Variants in CCDC142 observed in about 807,000 individuals in gnomAD.
The protein encoded by CCDC142 is coiled-coil domain containing 142.
Under a neutral mutation model 83.8 loss-of-function variants are expected in CCDC142, and 67 were observed. The observed-to-expected ratio is 0.80, with a 90% CI of 0.66 to 0.98. The LOEUF is 0.98. Among genes scored for constraint, CCDC142 ranks in the 50% least tolerant of loss-of-function variants. The pLI, the probability that CCDC142 is intolerant of heterozygous loss-of-function variation, is 0.00. For synonymous variants in CCDC142, 421 were observed against 421.2 expected (o/e 1.00, Z 0.01); for missense variants, 905 against 946.8 (o/e 0.96, Z 0.58).
In CCDC142 at chr2:74,474,308, C is replaced by A; in HGVS notation, c.*238G>T. 2.3e-6 allele frequency: 1 copy of A among 441,486 alleles called. No individual in the cohort carries two copies. The highest frequency in any genetic ancestry group is 2.9e-5 in the South Asian group (1 of 34,778). 27.3% of individuals were successfully genotyped at this position (441,486 alleles called of 1,614,324 possible). On this transcript the variant is annotated 3_prime_UTR_variant, in exon 9 of 9. Coordinates refer to ENST00000393965, the MANE Select transcript of CCDC142 (RefSeq NM_001365575.2). ...CCGTGTTAGCCAGGATGGTCTTGATCTCCTGACCTCATGATCCGCCTGCCT... is the reference window on the plus strand; with the variant it reads ...CCGTGTTAGCCAGGATGGTCTTGATATCCTGACCTCATGATCCGCCTGCCT...
intron 1 of CCDC142, 51 bp downstream of exon 1, chr2:74,481,766 G>T (rs1390065713): frequency 6.4e-7 from 1 of 1,564,940 alleles, no homozygotes. Flanking sequence ...TGGCCAAGGG[G>T]AAGGAAGAGA....
At position 74,481,387 on chromosome 2, in the gene CCDC142, GTA is replaced by G. The variant is rs758027896; in HGVS notation, c.1109-17_1109-16del. On this transcript the variant is annotated splice_polypyrimidine_tract_variant and intron_variant, in intron 2 of 8. Coordinates refer to ENST00000393965, the MANE Select transcript of CCDC142 (RefSeq NM_001365575.2). ...CTGGCAGAAACCTGAGGATGAGAGA[GTA>G]TAGTGTGGTGGGGAAGCGGTAACCT... 29 of 1,614,014 alleles carry G rather than the reference GTA, an allele frequency of 1.8e-5. No homozygotes were observed. The South Asian group carries it at 3.1e-4, about 17-fold the overall frequency.
At position 74,482,138 on chromosome 2, in the gene CCDC142, G is replaced by A. The variant is rs890602278; in HGVS notation, c.700C>T (p.Arg234Cys). 10 of 1,613,602 alleles carry A rather than the reference G, an allele frequency of 6.2e-6. No homozygotes were observed. Among genetic ancestry groups the A allele is most frequent in the African/African-American group, 1.3e-5 (1 of 74,946 alleles). The change falls in exon 1 of 9, where the codon CGT (arginine) becomes TGT (cysteine). Residue 234 changes from arginine to cysteine, a missense_variant. Transcript: ENST00000393965. The surrounding 1 kb of genome is among the most constrained non-coding windows in gnomAD (Gnocchi z 5.0). ...PGAARPFPTSRVLRLLTGERG... is the reference protein window; with the variant it reads ...PGAARPFPTSCVLRLLTGERG... ...TCCCCCGTCAAGAGGCGGAGCACAC[G>A]GGACGTGGGGAAAGGACGTGCGGCC...
At chr2:74,481,120 G>T in intron 3 of CCDC142, 34 bp from the exon 4 acceptor site, 2 of 1,608,468 alleles carry the variant, frequency 1.2e-6, no homozygotes. Flanking sequence ...AGTATCTTAG[G>T]GGTCATGGAG....
In CCDC142 at chr2:74,482,046, G is replaced by A; in HGVS notation, c.792C>T (p.Leu264=). 1.2e-6 allele frequency: 2 copies of A among 1,613,628 alleles called. No individual in the cohort carries two copies. Among genetic ancestry groups the A allele is most frequent in the Non-Finnish European group, 1.7e-6 (2 of 1,179,966 alleles). The change falls in exon 1 of 9, where the codon CTC becomes CTT. Residue 264 remains leucine, a synonymous_variant. Coordinates refer to ENST00000393965, the MANE Select transcript of CCDC142 (RefSeq NM_001365575.2). The surrounding 1 kb of genome is among the most constrained non-coding windows in gnomAD (Gnocchi z 5.0). ...ALQGSALRDQ[L]RRRCQEEGDL... ...CCCCCTCCTCTTGGCACCGCCTGCG[G>A]AGCTGGTCCCTCAACGCCGATCCTT...
chr2:74,482,719 C>G lies in CCDC142; in HGVS notation c.119G>C (p.Arg40Pro). Residue 40 changes from arginine (R) to proline (P), a missense_variant, in exon 1 of 9, where the codon CGC (arginine) becomes CCC (proline). By Grantham distance (103) the Arg-to-Pro change is moderately radical. Around this residue, in one of 3 missense-constraint regions of CCDC142, gnomAD observed 591 missense variants for 571.4 expected, o/e 1.03. Coordinates refer to ENST00000393965, the MANE Select transcript of CCDC142 (RefSeq NM_001365575.2). This position sits in a 1 kb window ranked among gnomAD's most constrained non-coding sequence, Gnocchi z 5.0. ...QWERSRTGGLRWEVHCWPSGT... is the reference protein window; with the variant it reads ...QWERSRTGGLPWEVHCWPSGT... ...GCTCGGCCAGCAGTGAACCTCCCAG[C>G]GAAGACCGCCCGTTCGACTTCTCTC... 1 of 1,606,108 alleles carries G rather than the reference C, an allele frequency of 6.2e-7. No individual in the cohort carries two copies.
In CCDC142 at chr2:74,481,077, G is replaced by A; in HGVS notation, c.1268C>T (p.Pro423Leu). ...AAGGGTACAGAGACCTAGGGCGACA[G>A]GCGCAGGATCTGGGGATTTGAGCAG... is the stretch of plus-strand genomic sequence containing the variant. ...RIFCQPADPAPVALGLCTLQT... is the reference protein window; with the variant it reads ...RIFCQPADPALVALGLCTLQT... The change falls in exon 4 of 9, where the codon CCT becomes CTT. Residue 423 changes from proline (P) to leucine (L), a missense_variant. Pro to Leu is a moderately conservative substitution (Grantham distance 98). Coordinates refer to ENST00000393965, the MANE Select transcript of CCDC142 (RefSeq NM_001365575.2). 1 of 1,612,890 alleles carries A rather than the reference G, an allele frequency of 6.2e-7. No individual in the cohort carries two copies.
At chr2:74,479,025 C>CA (rs56291332) in intron 5 of CCDC142, among the ~76,000 whole-genome samples, 1,090 of 61,966 alleles carry the variant, frequency 0.018, 5 homozygotes, top group Middle Eastern at 0.054. Flanking sequence ...GACACCTTCT[C>CA]AAAAAAAAAA....
At position 74,475,635 on chromosome 2, in the gene CCDC142, T is replaced by A. The variant is rs371717998; in HGVS notation, c.1595A>T (p.Tyr532Phe). 115 of 1,613,964 alleles carry A rather than the reference T, an allele frequency of 7.1e-5. No individual in the cohort carries two copies. Among genetic ancestry groups the A allele is most frequent in the Non-Finnish European group, 9.4e-5 (111 of 1,179,954 alleles). The change falls in exon 6 of 9, where the codon TAC becomes TTC. Residue 532 changes from tyrosine (Y) to phenylalanine (F), a missense_variant. Physicochemically the swap from Tyr to Phe is conservative, Grantham distance 22. Around this residue, in one of 3 missense-constraint regions of CCDC142, gnomAD observed 265 missense variants for 288.9 expected, o/e 0.92. Transcript: ENST00000393965. ...GFKLYMPRGR[Y>F]WRLRLCPEPP... ...ACCAGGACAGAGACGAAGCCGCCAGTACCGACCCCGTGGCATGTAGAGCTT... is the reference window on the plus strand; with the variant it reads ...ACCAGGACAGAGACGAAGCCGCCAGAACCGACCCCGTGGCATGTAGAGCTT...
At chr2:74,478,798 G>A (rs1672382721) in intron 5 of CCDC142, among the ~76,000 whole-genome samples, 1 of 151,468 alleles carries the variant, frequency 6.6e-6, no homozygotes, top group South Asian at 2.1e-4. Flanking sequence ...AGGCTGAGGT[G>A]GGTGGATCAC....
At chr2:74,475,815 T>C in intron 5 of CCDC142, 89 bp from the exon 6 acceptor site, 1 of 790,014 alleles carries the variant, frequency 1.3e-6, no homozygotes, top group Non-Finnish European at 2.1e-6. Context: ...TTGACATCCA[T>C]AAAACCCCAG....
At chr2:74,477,642 C>T (rs1277087250) in intron 5 of CCDC142, among the ~76,000 whole-genome samples, 1 of 152,186 alleles carries the variant, frequency 6.6e-6, no homozygotes, top group African/African-American at 2.4e-5. Flanking sequence ...TCCCAGCCAC[C>T]ATCTCCAGCC....
In CCDC142 at chr2:74,472,991, T is replaced by A; in HGVS notation, c.*1555A>T. 2.5e-6 allele frequency: 1 copy of A among 393,648 alleles called. No individual in the cohort carries two copies. The highest frequency in any genetic ancestry group is 4.8e-6 in the Non-Finnish European group (1 of 210,340). The allele number at this position is 393,648 out of a possible 1,614,324, so 24.4% of individuals were successfully genotyped here. On this transcript the variant is annotated 3_prime_UTR_variant, in exon 9 of 9. Transcript: ENST00000393965. ...GTTTTCTGCAGCCTTTCCCCTTCTG[T>A]ACCCTGCTGGGCCACATCTAGGCTA...
At chr2:74,479,140 G>C (rs1413029856) in intron 5 of CCDC142, among the ~76,000 whole-genome samples, 1 of 151,952 alleles carries the variant, frequency 6.6e-6, no homozygotes. Context: ...GTTGCAGTGA[G>C]CCAAGATCAC....
Position 74,482,578 on chromosome 2 carries a change from G to A in CCDC142, c.260C>T (p.Ala87Val), listed in dbSNP as rs1453321438. 3.1e-6 allele frequency: 5 copies of A among 1,604,532 alleles called. No individual in the cohort carries two copies. The highest frequency in any genetic ancestry group is 3.4e-6 in the Non-Finnish European group (4 of 1,175,440). The change falls in exon 1 of 9, where the codon GCG becomes GTG. Residue 87 changes from alanine to valine, a missense_variant. Around this residue, in one of 3 missense-constraint regions of CCDC142, gnomAD observed 591 missense variants for 571.4 expected, o/e 1.03. Transcript: ENST00000393965. The surrounding 1 kb of genome is among the most constrained non-coding windows in gnomAD (Gnocchi z 5.0). ...CAACACCGCCCGGAGACGCTGCAGC[G>A]CGGGAGGGATCGGGCCGCCACCTGC... is the stretch of plus-strand genomic sequence containing the variant. ...GPAGGGPIPP[A>V]LQRLRAVLLR...
rs889013413 is a variant in CCDC142, at chr2:74,482,527, T to C, written c.311A>G (p.Gln104Arg). 12 of 1,581,974 alleles carry C rather than the reference T, an allele frequency of 7.6e-6. No homozygotes were observed. Among genetic ancestry groups the C allele is most frequent in the Non-Finnish European group, 9.5e-6 (11 of 1,164,014 alleles). ...VLLRLHRERE[Q>R]LLQARDCAYH... ...GGCGCAGTCTCGGGCCTGGAGGAGC[T>C]GCTCCCGCTCGCGATGCAGCCGCAG... The change falls in exon 1 of 9, where the codon CAG (glutamine) becomes CGG (arginine). Residue 104 changes from glutamine to arginine, a missense_variant. Gln to Arg is a conservative substitution (Grantham distance 43, BLOSUM62 1). This residue lies in a region of CCDC142 where 591 missense variants were observed against 571.4 expected (regional missense o/e 1.03). Transcript: ENST00000393965. The surrounding 1 kb of genome is among the most constrained non-coding windows in gnomAD (Gnocchi z 5.0).
Position 74,474,392 on chromosome 2 carries a change from G to A in CCDC142, c.*154C>T. 1 of 1,050,264 alleles carries A rather than the reference G, an allele frequency of 9.5e-7. No homozygotes were observed. 65.1% of individuals were successfully genotyped at this position (1,050,264 alleles called of 1,614,324 possible). ...CCACCTCGCCCAGCCCCTAATCTTG[G>A]ATTCTTAAGCCCAGGCTCTTTGTAG... On this transcript the variant is annotated 3_prime_UTR_variant, in exon 9 of 9. Coordinates refer to ENST00000393965, the MANE Select transcript of CCDC142 (RefSeq NM_001365575.2).
chr2:74,476,234 G>A (rs1295903518), intron 5 of CCDC142, among the ~76,000 whole-genome samples: 2 of 152,114 alleles, frequency 1.3e-5, no homozygotes, highest in African/African-American at 4.8e-5. Context: ...GTGCAGTGGC[G>A]TGATCTCGGC....
In CCDC142 at chr2:74,475,650, A is replaced by G; in HGVS notation, c.1580T>C (p.Met527Thr). The part of the protein sequence containing the change: ...KQAMQGFKLY[M>T]PRGRYWRLRL... ...AAGCCGCCAGTACCGACCCCGTGGC[A>G]TGTAGAGCTTGAAACCTTGCATGGC... Residue 527 changes from methionine (M) to threonine (T), a missense_variant, in exon 6 of 9, where the codon ATG becomes ACG. Coordinates refer to ENST00000393965, the MANE Select transcript of CCDC142 (RefSeq NM_001365575.2). The G allele has an allele frequency of 6.2e-7, 1 of 1,614,132 alleles. No individual in the cohort carries two copies. Among genetic ancestry groups the G allele is most frequent in the East Asian group, 2.2e-5 (1 of 44,880 alleles).
Sources: gnomAD v4.1 joint callset for allele counts (sites outside exome capture counted in the v4.1 genomes callset) on GRCh38, gnomAD v4.1.1 for gene constraint, gnomAD v4.1.1 regional missense constraint, Gnocchi (gnomAD v3.1) non-coding constraint, MANE v1.5 for transcripts, NCBI Gene and HGNC (gene_info 2026-07-23, HGNC 2026-07-21) for gene names.